The following TEK variants were observed in gnomAD, a reference collection of about 807,000 sequenced individuals.
TEK encodes the protein angiopoietin-1 receptor.
In TEK, 43 loss-of-function variants were observed where a neutral mutation model predicts 131.8. The observed-to-expected ratio is 0.33, with a 90% confidence interval of 0.26 to 0.42. The LOEUF (loss-of-function observed/expected upper bound fraction) is 0.42, where lower values mean the gene tolerates loss of function less well. TEK is among the 10% of genes least tolerant of loss of function. TEK has a pLI of 1.00. For synonymous variants in TEK, 580 were observed against 491.6 expected, an observed-to-expected ratio of 1.18 and a Z score of -2.38; for missense variants, 1,162 against 1,384.4, an observed-to-expected ratio of 0.84 and a Z score of 2.55.
At chr9:27,158,979 C>CTATTGTGTAATTCTATTA (rs1823446019) in intron 2 of TEK, among the ~76,000 whole-genome samples, 1 of 152,140 alleles carries the variant, frequency 6.6e-6, no homozygotes, top group Admixed American at 6.5e-5. Context: ...TTTTCTATTG[C>CTATTGTGTAATTCTATTA]CACAATAATG....
intron 1 of TEK, among the ~76,000 whole-genome samples, chr9:27,136,429 GACTTT>G (rs1187881722): frequency 1.3e-5 from 2 of 152,150 alleles, no homozygotes; most frequent in East Asian, 3.8e-4. Flanking sequence ...GGCTTCAATT[GACTTT>G]ACTTTAATTC....
intron 1 of TEK, among the ~76,000 whole-genome samples, chr9:27,147,695 A>G (rs1022533722): frequency 3.3e-5 from 5 of 152,222 alleles, no homozygotes; most frequent in East Asian, 1.9e-4. Flanking sequence ...ATTTTCTTCT[A>G]TATACCTAAA....
chr9:27,209,166 A>G lies in TEK; in HGVS notation c.2621A>G (p.Glu874Gly). The part of the protein sequence containing the change: ...DDHRDFAGEL[E>G]VLCKLGHHPN... Reference sequence around the variant, plus strand: ...CACAGGGACTTTGCAGGAGAACTGGAAGTTCTTTGTAAACTTGGACACCAT... The same window carrying G: ...CACAGGGACTTTGCAGGAGAACTGGGAGTTCTTTGTAAACTTGGACACCAT... The change falls in exon 16 of 23, where the codon GAA becomes GGA. Residue 874 changes from glutamate (E) to glycine (G), a missense_variant. Glu to Gly is a moderately conservative substitution (Grantham distance 98, BLOSUM62 -2). Transcript: ENST00000380036. The G allele has an allele frequency of 6.2e-7, 1 of 1,614,018 alleles. No individual in the cohort carries two copies.
At chr9:27,142,231 G>A (rs1822751961) in intron 1 of TEK, among the ~76,000 whole-genome samples, 1 of 152,230 alleles carries the variant, frequency 6.6e-6, no homozygotes, top group Admixed American at 6.5e-5. Context: ...ATAACTTGGA[G>A]TTTTTAAGCA....
intron 21 of TEK, among the ~76,000 whole-genome samples, chr9:27,225,513 G>A (rs1375237761): frequency 1.3e-5 from 2 of 152,124 alleles, no homozygotes; most frequent in Admixed American, 6.6e-5. Flanking sequence ...TTAATAAATG[G>A]CGTTGGGAAA....
chr9:27,209,994 A>G (rs1825543726), intron 16 of TEK, among the ~76,000 whole-genome samples: 1 of 152,222 alleles, frequency 6.6e-6, no homozygotes, highest in Admixed American at 6.5e-5. Flanking sequence ...AGCTCCATGC[A>G]GTAATTATTT....
chr9:27,150,125 G>A (rs755020032), intron 1 of TEK, among the ~76,000 whole-genome samples: 2 of 152,038 alleles, frequency 1.3e-5, no homozygotes, highest in Admixed American at 6.5e-5. Flanking sequence ...TTCTCCAGGC[G>A]CCCTCCTGCC....
Position 27,229,427 on chromosome 9 carries a change from A to C in TEK, c.*195A>C. On this transcript the variant is annotated 3_prime_UTR_variant, in exon 23 of 23. Transcript: ENST00000380036. ...CTCTGACTCTAATAGGACTGTATATACTGTTTTAAGAATGGGCTGAAATCA... is the reference window on the plus strand; with the variant it reads ...CTCTGACTCTAATAGGACTGTATATCCTGTTTTAAGAATGGGCTGAAATCA... 4 of 624,258 alleles carry C rather than the reference A, an allele frequency of 6.4e-6. No homozygotes were observed. The South Asian group carries it at 7.2e-5, about 11-fold the overall frequency. The allele number at this position is 624,258 out of a possible 1,614,324, so 38.7% of individuals were successfully genotyped here.
At chr9:27,203,809 G>A (rs1324007463) in intron 13 of TEK, among the ~76,000 whole-genome samples, 2 of 152,184 alleles carry the variant, frequency 1.3e-5, no homozygotes, top group African/African-American at 4.8e-5. Context: ...CACGTTAGAG[G>A]CAAGTTTTGA....
intron 19 of TEK, among the ~76,000 whole-genome samples, chr9:27,218,137 G>GGT (rs1825895315): frequency 1.3e-5 from 2 of 150,098 alleles, no homozygotes; most frequent in African/African-American, 4.9e-5. Context: ...CAGTGGCGGG[G>GGT]GTCGTCTCTG....
At chr9:27,131,248 G>A (rs1822204567) in intron 1 of TEK, among the ~76,000 whole-genome samples, 2 of 151,988 alleles carry the variant, frequency 1.3e-5, no homozygotes, top group South Asian at 4.2e-4. Context: ...TTGGGAGGCC[G>A]AGGCTGGCAG....
chr9:27,120,270 C>G (rs1031099322), intron 1 of TEK, among the ~76,000 whole-genome samples: 6 of 152,248 alleles, frequency 3.9e-5, no homozygotes, highest in Admixed American at 6.5e-5. Context: ...CATTCATGTT[C>G]AAGCATTTAT....
chr9:27,166,789 A>C (rs1823747640), intron 2 of TEK, among the ~76,000 whole-genome samples: 1 of 152,198 alleles, frequency 6.6e-6, no homozygotes, highest in South Asian at 2.1e-4. Flanking sequence ...TCTAGAATCT[A>C]AGATTTTCTG....
chr9:27,220,901 C>A (rs1826040735), intron 21 of TEK, among the ~76,000 whole-genome samples: 1 of 152,218 alleles, frequency 6.6e-6, no homozygotes. Flanking sequence ...TTTCATACCC[C>A]AGTGGCACCT....
At position 27,212,900 on chromosome 9, in the gene TEK, T is replaced by C. The variant is rs1253257440; in HGVS notation, c.2877+3T>C. 1 of 1,613,628 alleles carries C rather than the reference T, an allele frequency of 6.2e-7. No homozygotes were observed. The highest frequency in any genetic ancestry group is 8.5e-7 in the Non-Finnish European group (1 of 1,180,004). On this transcript the variant is annotated splice_donor_region_variant and intron_variant, in intron 17 of 22. Transcript: ENST00000380036. ...TGGACTACTTGAGCCAAAAACAGGT[T>C]TGTCCGGAGGACTTCGCTTTGGATA...
Position 27,214,131 on chromosome 9 carries a change from TTTTATC to T in TEK, c.2991+539_2991+544del, listed in dbSNP as rs200898427. Among the ~76,000 whole-genome samples the T allele has an allele frequency of 5.6e-3, 856 of 152,326 alleles. 5 individuals carry two copies. Among genetic ancestry groups the T allele is most frequent in the African/African-American group, 0.019 (787 of 41,564 alleles). Reference sequence around the variant, plus strand: ...AAATCCACTCTCCCAAACAGTAATATTTTATCTTTAAGTACAAGATTGCAGGAGAAC... The same window carrying T: ...AAATCCACTCTCCCAAACAGTAATATTTTAAGTACAAGATTGCAGGAGAAC... On this transcript the variant is annotated intron_variant, in intron 18 of 22. Coordinates refer to ENST00000380036, the MANE Select transcript of TEK (RefSeq NM_000459.5).
In TEK at chr9:27,228,367, C is replaced by A; in HGVS notation, c.3300+62C>A. 5 of 1,271,854 alleles carry A rather than the reference C, an allele frequency of 3.9e-6. No individual in the cohort carries two copies. The South Asian group carries it at 6.0e-5, about 15-fold the overall frequency. 78.8% of individuals were successfully genotyped at this position (1,271,854 alleles called of 1,614,324 possible). The stretch of plus-strand genomic sequence containing the variant: ...AATACCTGATGTGCCCAGGGTGGTT[C>A]ATAAAAAACATTGAAATAATTGAAG... On this transcript the variant is annotated intron_variant, in intron 22 of 22. Transcript: ENST00000380036.
At chr9:27,115,705 C>G (rs1821528029) in intron 1 of TEK, among the ~76,000 whole-genome samples, 1 of 151,968 alleles carries the variant, frequency 6.6e-6, no homozygotes. Context: ...TGCTCATAGC[C>G]AAATGATTTT....
intron 18 of TEK, among the ~76,000 whole-genome samples, chr9:27,214,487 C>T (rs1368474214): frequency 6.6e-6 from 1 of 152,128 alleles, no homozygotes; most frequent in Non-Finnish European, 1.5e-5. Context: ...GTGGGCACAC[C>T]AAATTGTCTC....
Sources: allele counts gnomAD v4.1 joint callset (sites outside exome capture counted in the v4.1 genomes callset), GRCh38; gene constraint gnomAD v4.1.1; transcripts MANE v1.5; gene names NCBI Gene and HGNC (gene_info 2026-07-23, HGNC 2026-07-21).